The following CLSTN3 variants were observed in gnomAD, a reference collection of about 807,000 sequenced individuals.
CLSTN3 encodes calsyntenin 3.
Under a neutral mutation model 95.9 loss-of-function variants are expected in CLSTN3, and 36 were observed. That is an observed-to-expected ratio of 0.38 (90% CI 0.29 to 0.50). CLSTN3 has a LOEUF of 0.50. CLSTN3 is among the 20% of genes least tolerant of loss of function. The pLI is 0.95. For missense variants in CLSTN3, 1,084 were observed against 1,268.8 expected, an observed-to-expected ratio of 0.85 and a Z score of 2.21; for synonymous variants, 481 against 504.0, an observed-to-expected ratio of 0.95 and a Z score of 0.61.
chr12:7,144,053 C>G (rs773758082), intron 12 of CLSTN3, among the ~76,000 whole-genome samples: 160 of 152,026 alleles, frequency 1.1e-3, no homozygotes, highest in African/African-American at 3.8e-3. Flanking sequence ...ATGGTGAAAC[C>G]CTGTCTCTAC....
Position 7,142,993 on chromosome 12 carries a change from T to C in CLSTN3, c.1665T>C (p.Tyr555=). The change falls in exon 11 of 18, where the codon TAT becomes TAC. Residue 555 remains tyrosine (Y), a synonymous_variant. Coordinates refer to ENST00000266546, the MANE Select transcript of CLSTN3 (RefSeq NM_014718.4). ...CLYACREGLD[Y]RDFESLGKGM... ...ATGCATGTCGGGAGGGGCTGGACTATAGGGATTTCGAGAGCCTGGGCAAAG... is the reference window on the plus strand; with the variant it reads ...ATGCATGTCGGGAGGGGCTGGACTACAGGGATTTCGAGAGCCTGGGCAAAG... 1.2e-6 allele frequency: 2 copies of C among 1,614,126 alleles called. No individual in the cohort carries two copies. Among genetic ancestry groups the C allele is most frequent in the Non-Finnish European group, 1.7e-6 (2 of 1,179,990 alleles).
At chr12:7,155,325 A>G (rs1349772172) in intron 16 of CLSTN3, among the ~76,000 whole-genome samples, 1 of 152,234 alleles carries the variant, frequency 6.6e-6, no homozygotes, top group Non-Finnish European at 1.5e-5. Context: ...TTGCTTGTAG[A>G]TAGAGTGTCT....
At chr12:7,135,781 C>T in intron 4 of CLSTN3, 23 bp from the exon 5 acceptor site, 3 of 1,584,886 alleles carry the variant, frequency 1.9e-6, no homozygotes, top group Non-Finnish European at 1.7e-6. Context: ...CTCTAATGCT[C>T]TGTCCTCCTG....
chr12:7,156,212 G>A (rs954931359), intron 16 of CLSTN3: 2 of 453,408 alleles, frequency 4.4e-6, no homozygotes, highest in African/African-American at 4.0e-5. Flanking sequence ...ACCCATGTGG[G>A]GAGTAGTGAC....
rs750591063 is a variant in CLSTN3, at chr12:7,135,338, A to T, written c.395A>T (p.His132Leu). The change falls in exon 4 of 18, where the codon CAT (histidine) becomes CTT (leucine). Residue 132 changes from histidine to leucine, a missense_variant. His to Leu is a moderately conservative substitution (Grantham distance 99, BLOSUM62 -3). Transcript: ENST00000266546. Reference sequence around the variant, plus strand: ...TCTGGCATATGCAGGGCCACTGTGCATGTGCGGGTCAACGATGTGAACGAG... The same window carrying T: ...TCTGGCATATGCAGGGCCACTGTGCTTGTGCGGGTCAACGATGTGAACGAG... ...NTKKSHKATVHVRVNDVNEFA... is the reference protein window; with the variant it reads ...NTKKSHKATVLVRVNDVNEFA... The T allele has an allele frequency of 5.0e-6, 8 of 1,613,986 alleles. No individual in the cohort carries two copies. Among genetic ancestry groups the T allele is most frequent in the Middle Eastern group, 3.3e-4 (2 of 6,062 alleles).
intron 1 of CLSTN3, among the ~76,000 whole-genome samples, chr12:7,132,131 G>A (rs1200534130): frequency 6.6e-6 from 1 of 152,170 alleles, no homozygotes; most frequent in Admixed American, 6.5e-5. Flanking sequence ...AGTCTGATGA[G>A]TCCCGCATCC....
chr12:7,146,268 C>T (rs931045967), intron 12 of CLSTN3, among the ~76,000 whole-genome samples: 2 of 152,138 alleles, frequency 1.3e-5, no homozygotes, highest in African/African-American at 2.4e-5. Context: ...ACCAACAGAC[C>T]GCAAGTCTGT....
chr12:7,137,292 C>T lies in CLSTN3; in HGVS notation c.1210+182C>T, dbSNP rs1939445901. 1 of 632,078 alleles carries T rather than the reference C, an allele frequency of 1.6e-6. No individual in the cohort carries two copies. The highest frequency in any genetic ancestry group is 2.7e-6 in the Non-Finnish European group (1 of 368,760). 39.2% of individuals were successfully genotyped at this position (632,078 alleles called of 1,614,324 possible). A position where few individuals can be genotyped will look rare whatever the true frequency, so the allele number is the denominator to read the frequency against. ...CCCCAACATGACATGTTGGATCGTA[C>T]TGCTGTCAGAGTGCAATGGGATTCC... On this transcript the variant is annotated intron_variant, in intron 7 of 17. Transcript: ENST00000266546. This position sits in a 1 kb window ranked among gnomAD's most constrained non-coding sequence, Gnocchi z 4.4.
At chr12:7,136,183 C>A in intron 5 of CLSTN3, 23 bp from the exon 6 acceptor site, 1 of 1,608,412 alleles carries the variant, frequency 6.2e-7, no homozygotes, top group South Asian at 1.1e-5. Context: ...CTCCCCATCA[C>A]CCTCTCTGTC....
rs963623559 is a variant in CLSTN3 at position 7,150,810 on chromosome 12, TG to T, written c.2392-117del. 1.3e-6 allele frequency: 2 copies of T among 1,550,466 alleles called. No homozygotes were observed. The highest frequency in any genetic ancestry group is 2.7e-5 in the African/African-American group (2 of 73,752). On this transcript the variant is annotated intron_variant, in intron 15 of 17. Transcript: ENST00000266546. This position sits in a 1 kb window ranked among gnomAD's most constrained non-coding sequence, Gnocchi z 4.0. The stretch of plus-strand genomic sequence containing the variant: ...GGCAGCGTGGAGGGCTGCTGGACCT[TG>T]CAGTGGGTGGAGGAGAAGGAGATGG...
chr12:7,136,184 C>T, intron 5 of CLSTN3, 22 bp from the exon 6 acceptor site: 1 of 1,608,938 alleles, frequency 6.2e-7, no homozygotes, highest in South Asian at 1.1e-5. Flanking sequence ...TCCCCATCAC[C>T]CTCTCTGTCT....
At chr12:7,145,346 GGTGT>G (rs4013711) in intron 12 of CLSTN3, among the ~76,000 whole-genome samples, 14,948 of 148,038 alleles carry the variant, frequency 0.1, 844 homozygotes, top group South Asian at 0.23. Context: ...AATATAGAGG[GGTGT>G]GTGTGTGTGT....
intron 16 of CLSTN3, chr12:7,156,341 T>C: frequency 2.2e-6 from 1 of 456,878 alleles, no homozygotes; most frequent in Non-Finnish European, 4.4e-6. Flanking sequence ...TCGAGAGCTG[T>C]GTGTGTGTGT....
chr12:7,151,931 G>T (rs1008805908), intron 16 of CLSTN3, among the ~76,000 whole-genome samples: 1 of 151,964 alleles, frequency 6.6e-6, no homozygotes, highest in Non-Finnish European at 1.5e-5. Flanking sequence ...GCAGGTGCCT[G>T]TAGTCCCAGC....
chr12:7,133,752 A>T lies in CLSTN3; in HGVS notation c.367A>T (p.Thr123Ser). Residue 123 changes from threonine (T) to serine (S), a missense_variant, in exon 3 of 18, where the codon ACC becomes TCC. Physicochemically the swap from Thr to Ser is moderately conservative, Grantham distance 58. Transcript: ENST00000266546. The surrounding 1 kb of genome is among the most constrained non-coding windows in gnomAD (Gnocchi z 4.7). ...TGGCGAGGGCCCCGACGGGGCCAAC[A>T]CCAAGAAGTCCCACAAGTGAGGAAG... ...DCGEGPDGAN[T>S]KKSHKATVHV... 1 of 1,579,064 alleles carries T rather than the reference A, an allele frequency of 6.3e-7. No homozygotes were observed. The highest frequency in any genetic ancestry group is 8.6e-7 in the Non-Finnish European group (1 of 1,165,930).
intron 12 of CLSTN3, among the ~76,000 whole-genome samples, chr12:7,146,419 A>AG (rs1272814462): frequency 6.9e-6 from 1 of 145,808 alleles, no homozygotes; most frequent in African/African-American, 2.7e-5. Context: ...AGAGAGAGAG[A>AG]AAAAAAAAAC....
In CLSTN3 at chr12:7,136,110, C is replaced by T. The variant is rs878869427; in HGVS notation, c.743-96C>T. The T allele has an allele frequency of 1.4e-5, 21 of 1,517,266 alleles. No homozygotes were observed. In the South Asian group the frequency reaches 2.5e-4, roughly 18 times the overall value. The allele number at this position is 1,517,266 out of a possible 1,614,324, so 94.0% of individuals were successfully genotyped here. A position where few individuals can be genotyped will look rare whatever the true frequency, so the allele number is the denominator to read the frequency against. The stretch of plus-strand genomic sequence containing the variant: ...CTAGCCGGGCCATCCTGCCAGGAGC[C>T]CCAAACTGTCCATGGACATGGCAAG... On this transcript the variant is annotated intron_variant, in intron 5 of 17. Transcript: ENST00000266546.
At position 7,133,008 on chromosome 12, in the gene CLSTN3, C is replaced by G. The variant is rs772551714; in HGVS notation, c.65-16C>G. On this transcript the variant is annotated splice_polypyrimidine_tract_variant and intron_variant, in intron 1 of 17. Coordinates refer to ENST00000266546, the MANE Select transcript of CLSTN3 (RefSeq NM_014718.4). This position sits in a 1 kb window ranked among gnomAD's most constrained non-coding sequence, Gnocchi z 4.7. The stretch of plus-strand genomic sequence containing the variant: ...GCTCACAGGTGCTTCCTCTCCTCTC[C>G]CTGGGGTGGGGCCAGCCAACAAGCA... 1 of 1,612,904 alleles carries G rather than the reference C, an allele frequency of 6.2e-7. No individual in the cohort carries two copies. Among genetic ancestry groups the G allele is most frequent in the South Asian group, 1.1e-5 (1 of 90,790 alleles).
Position 7,137,962 on chromosome 12 carries a change from C to A in CLSTN3, c.1218C>A (p.Gly406=). The A allele has an allele frequency of 2.5e-6, 4 of 1,613,820 alleles. No homozygotes were observed. Among genetic ancestry groups the A allele is most frequent in the Non-Finnish European group, 3.4e-6 (4 of 1,179,792 alleles). Residue 406 remains glycine (G), a synonymous_variant, in exon 8 of 18, where the codon GGC becomes GGA. Transcript: ENST00000266546. This position sits in a 1 kb window ranked among gnomAD's most constrained non-coding sequence, Gnocchi z 4.4. ...CCCTTCCTGTGCCCTCAGAGGACGG[C>A]TTCTCTCACTACTCGCTGACTGTCC... ...IVCNTVQNED[G]FSHYSLTVHG...
Sources: allele counts gnomAD v4.1 joint callset (sites outside exome capture counted in the v4.1 genomes callset), GRCh38; gene constraint gnomAD v4.1.1; non-coding constraint Gnocchi (gnomAD v3.1); transcripts MANE v1.5; gene names NCBI Gene and HGNC (gene_info 2026-07-23, HGNC 2026-07-21).